The following ZFHX3 variants were observed in gnomAD, a reference collection of about 807,000 sequenced individuals.
The protein encoded by ZFHX3 is zinc finger homeobox 3.
ZFHX3 carries 42 observed loss-of-function variants against 279.1 expected under a neutral mutation model. That is an observed-to-expected ratio of 0.15 (90% confidence interval 0.12 to 0.19). The LOEUF (loss-of-function observed/expected upper bound fraction) is 0.19, where lower values mean the gene tolerates loss of function less well. ZFHX3 is among the 10% of genes least tolerant of loss of function. ZFHX3 has a pLI of 1.00. For synonymous variants in ZFHX3, 2,293 were observed against 1,957.8 expected, an observed-to-expected ratio of 1.17 and a Z score of -4.52; for missense variants, 4,981 against 4,754.0, an observed-to-expected ratio of 1.05 and a Z score of -1.40.
At chr16:73,547,632 A>G (rs1392222829) in intron 2 of ZFHX3, among the ~76,000 whole-genome samples, 1 of 152,160 alleles carries the variant, frequency 6.6e-6, no homozygotes, top group African/African-American at 2.4e-5. Flanking sequence ...CTTGATTTTC[A>G]TAATACAAGG....
intron 2 of ZFHX3, among the ~76,000 whole-genome samples, chr16:73,481,425 A>G (rs950337558): frequency 6.6e-6 from 1 of 151,846 alleles, no homozygotes; most frequent in Non-Finnish European, 1.5e-5. Flanking sequence ...ACCAAATTTT[A>G]GTATTACTTT....
At chr16:73,001,744 C>T (rs1048894538) in intron 1 of ZFHX3, among the ~76,000 whole-genome samples, 7 of 151,562 alleles carry the variant, frequency 4.6e-5, no homozygotes, top group Admixed American at 2.0e-4. Context: ...GCCTTGAGCC[C>T]GGGAGGTCAA....
chr16:72,858,088 C>T (rs1246801343), intron 4 of ZFHX3, among the ~76,000 whole-genome samples: 1 of 152,132 alleles, frequency 6.6e-6, no homozygotes, highest in Non-Finnish European at 1.5e-5. Flanking sequence ...GGGGCTCTGA[C>T]GGCAGGGGTG....
chr16:73,763,605 A>G (rs2053895546), intron 1 of ZFHX3, among the ~76,000 whole-genome samples: 1 of 152,156 alleles, frequency 6.6e-6, no homozygotes, highest in Non-Finnish European at 1.5e-5. Context: ...CATAGGTGAC[A>G]CTCAATGAGT....
intron 2 of ZFHX3, among the ~76,000 whole-genome samples, chr16:73,490,363 T>C (rs2019039393): frequency 6.6e-6 from 1 of 152,240 alleles, no homozygotes; most frequent in South Asian, 2.1e-4. Flanking sequence ...ATTGAAAACG[T>C]TTTAATGGCA....
chr16:72,972,387 A>G (rs1039544322), intron 1 of ZFHX3, among the ~76,000 whole-genome samples: 2 of 151,732 alleles, frequency 1.3e-5, no homozygotes, highest in African/African-American at 4.8e-5. Context: ...TCAGATCTCA[A>G]CTCCATCCAA....
chr16:73,870,613 G>T (rs1962136835), intron 1 of ZFHX3, among the ~76,000 whole-genome samples: 1 of 152,156 alleles, frequency 6.6e-6, no homozygotes, highest in South Asian at 2.1e-4. Context: ...GCGTCTGAGA[G>T]CACACTCCTC....
At chr16:72,902,020 C>A (rs2039050437) in intron 3 of ZFHX3, among the ~76,000 whole-genome samples, 1 of 152,248 alleles carries the variant, frequency 6.6e-6, no homozygotes, top group African/African-American at 2.4e-5. Flanking sequence ...GCGCAGCCAG[C>A]AAACTCTGTG....
At chr16:72,891,585 C>T (rs1597352093) in intron 3 of ZFHX3, among the ~76,000 whole-genome samples, 1 of 152,108 alleles carries the variant, frequency 6.6e-6, no homozygotes, top group East Asian at 1.9e-4. Context: ...ACACATGAAG[C>T]AAGGGAAACA....
chr16:73,675,499 T>C (rs949747740), intron 2 of ZFHX3, among the ~76,000 whole-genome samples: 1 of 152,128 alleles, frequency 6.6e-6, no homozygotes, highest in Non-Finnish European at 1.5e-5. Flanking sequence ...GGGCTCTGTA[T>C]CTATATACCC....
intron 1 of ZFHX3, among the ~76,000 whole-genome samples, chr16:73,808,236 TAAAAC>T (rs1960336713): frequency 6.6e-6 from 1 of 152,148 alleles, no homozygotes; most frequent in Non-Finnish European, 1.5e-5. Context: ...ATTTTCAAAA[TAAAAC>T]AACTTCTTTG....
Position 73,591,380 on chromosome 16 carries a change from AC to A in ZFHX3, c.-1547+88799del, listed in dbSNP as rs1345626599. On this transcript the variant is annotated intron_variant, in intron 2 of 17. Transcript: ENST00000641206. Reference sequence around the variant, plus strand: ...AAACAAAAAACAAACAAACAAACAAACAAACAAAAATCCAGAAAATAAAGCA... The same window carrying A: ...AAACAAAAAACAAACAAACAAACAAAAAACAAAAATCCAGAAAATAAAGCA... 5.0e-3 allele frequency among the ~76,000 whole-genome samples: 739 copies of A among 147,354 alleles called. 5 individuals carry two copies. The highest frequency in any genetic ancestry group is 0.017 in the African/African-American group (674 of 39,952).
At chr16:73,197,338 A>G (rs914638903) in intron 5 of ZFHX3, among the ~76,000 whole-genome samples, 6 of 152,204 alleles carry the variant, frequency 3.9e-5, no homozygotes, top group Non-Finnish European at 5.9e-5. Context: ...TGAGAGCGTG[A>G]CTAGGAAGGA....
intron 2 of ZFHX3, among the ~76,000 whole-genome samples, chr16:73,473,420 T>A (rs1254417476): frequency 6.6e-6 from 1 of 150,740 alleles, no homozygotes; most frequent in Non-Finnish European, 1.5e-5. Flanking sequence ...ATCATTCCAT[T>A]TGAATGGGAG....
chr16:73,161,047 A>G (rs4788708), intron 5 of ZFHX3, among the ~76,000 whole-genome samples: 5,575 of 152,164 alleles, frequency 0.037, 219 homozygotes, highest in East Asian at 0.11. Context: ...ATCTGAGCTC[A>G]CTGCAACCTC....
intron 5 of ZFHX3, among the ~76,000 whole-genome samples, chr16:73,207,522 C>A (rs996954727): frequency 2.0e-5 from 3 of 152,108 alleles, no homozygotes; most frequent in East Asian, 1.9e-4. Flanking sequence ...ACAGCAGTAC[C>A]CCTTGGGCCA....
chr16:72,921,950 G>A (rs967911882), intron 3 of ZFHX3, among the ~76,000 whole-genome samples: 5 of 152,218 alleles, frequency 3.3e-5, no homozygotes, highest in Admixed American at 2.6e-4. Flanking sequence ...CGGGTGCGGA[G>A]GCACCAGGGG....
intron 2 of ZFHX3, among the ~76,000 whole-genome samples, chr16:73,595,353 C>A (rs1466840017): frequency 6.6e-6 from 1 of 152,174 alleles, no homozygotes; most frequent in Non-Finnish European, 1.5e-5. Context: ...TTGCTAAATC[C>A]AATGGACTAT....
intron 4 of ZFHX3, among the ~76,000 whole-genome samples, chr16:73,260,363 C>T (rs75382112): frequency 0.014 from 2,206 of 152,238 alleles, 52 homozygotes; most frequent in African/African-American, 0.051. Context: ...TTTTGAGACT[C>T]TGGAAATATC....
Sources: allele counts gnomAD v4.1 joint callset (sites outside exome capture counted in the v4.1 genomes callset), GRCh38; gene constraint gnomAD v4.1.1; transcripts MANE v1.5; gene names NCBI Gene and HGNC (gene_info 2026-07-23, HGNC 2026-07-21).